CCSER2: variants seen among roughly 807,000 people sequenced by gnomAD.
CCSER2 encodes serine-rich coiled-coil domain-containing protein 2.
Under a neutral mutation model 92.3 loss-of-function variants are expected in CCSER2, and 46 were observed. The ratio of observed to expected loss-of-function variants is 0.50; its 90% confidence interval spans 0.39 to 0.64. The LOEUF (loss-of-function observed/expected upper bound fraction) is 0.64. Among genes scored for constraint, CCSER2 ranks in the 30% least tolerant of loss-of-function variants. The pLI, the probability that CCSER2 is intolerant of heterozygous loss-of-function variation, is 0.00. For missense variants in CCSER2, 1,244 were observed against 1,238.9 expected (o/e 1.00, Z -0.06); for synonymous variants, 433 against 431.4 (o/e 1.00, Z -0.04).
At chr10:84,372,790 A>G (rs562914338) in intron 2 of CCSER2, among the ~76,000 whole-genome samples, 7 of 152,284 alleles carry the variant, frequency 4.6e-5, no homozygotes, top group East Asian at 3.9e-4. Context: ...GTGGTATGCC[A>G]TTAAACAAAC....
chr10:84,365,034 G>A (rs943108592), intron 1 of CCSER2, among the ~76,000 whole-genome samples: 2 of 151,702 alleles, frequency 1.3e-5, no homozygotes, highest in African/African-American at 4.8e-5. Context: ...GAGTCACCAC[G>A]CCCGGCCTGA....
Position 84,417,847 on chromosome 10 carries a change from C to A in CCSER2, c.1691C>A (p.Ala564Glu). 1 of 1,560,726 alleles carries A rather than the reference C, an allele frequency of 6.4e-7. No individual in the cohort carries two copies. Among genetic ancestry groups the A allele is most frequent in the Non-Finnish European group, 8.8e-7 (1 of 1,131,558 alleles). The change falls in exon 4 of 10, where the codon GCA (alanine) becomes GAA (glutamate). Residue 564 changes from alanine to glutamate, a missense_variant. Transcript: ENST00000372088. ...CTTGATGTGGATCTGCCTGAGGATG[C>A]ACCTCTTGAAAATGGTAAGTTGAGA... is the stretch of plus-strand genomic sequence containing the variant. ...LMLDVDLPEDAPLENVECDNM... is the reference protein window; with the variant it reads ...LMLDVDLPEDEPLENVECDNM...
intron 3 of CCSER2, chr10:84,390,797 A>G (rs1286963756): frequency 4.1e-6 from 2 of 485,708 alleles, no homozygotes; most frequent in Non-Finnish European, 7.6e-6. Context: ...CTATTAATAC[A>G]TGGATTATTT....
chr10:84,435,977 G>T (rs1844093320), intron 5 of CCSER2, among the ~76,000 whole-genome samples: 1 of 152,082 alleles, frequency 6.6e-6, no homozygotes, highest in African/African-American at 2.4e-5. Context: ...AGAGGTTGTG[G>T]GTTTGGAGAT....
At chr10:84,420,856 C>A (rs1220707331) in intron 4 of CCSER2, among the ~76,000 whole-genome samples, 1 of 150,154 alleles carries the variant, frequency 6.7e-6, no homozygotes, top group African/African-American at 2.4e-5. Context: ...TCGCTTAAAC[C>A]CGGGAGGCAG....
chr10:84,413,720 T>C (rs1173510164), intron 3 of CCSER2, among the ~76,000 whole-genome samples: 1 of 152,166 alleles, frequency 6.6e-6, no homozygotes, highest in Non-Finnish European at 1.5e-5. Context: ...GTCCTGATGA[T>C]CTTTCTAATA....
At chr10:84,378,869 A>G (rs909113866) in intron 3 of CCSER2, among the ~76,000 whole-genome samples, 4 of 152,168 alleles carry the variant, frequency 2.6e-5, no homozygotes, top group African/African-American at 9.7e-5. Flanking sequence ...CACTATACCC[A>G]GCTCTGCTAA....
chr10:84,362,616 C>A (rs776946102), intron 1 of CCSER2, among the ~76,000 whole-genome samples: 4 of 152,106 alleles, frequency 2.6e-5, no homozygotes, highest in Admixed American at 1.3e-4. Flanking sequence ...TTAACTTTTA[C>A]AAGTTACTTT....
intron 3 of CCSER2, chr10:84,391,029 A>G: frequency 2.6e-6 from 2 of 776,094 alleles, no homozygotes; most frequent in Non-Finnish European, 4.8e-6. Context: ...CCTTAGGAAC[A>G]TTAGCAGATT....
intron 1 of CCSER2, among the ~76,000 whole-genome samples, chr10:84,352,491 A>G (rs1195431010): frequency 6.6e-6 from 1 of 150,592 alleles, no homozygotes; most frequent in African/African-American, 2.4e-5. Flanking sequence ...GAGTAGGAAG[A>G]ATGACGGGGG....
At chr10:84,407,324 C>T (rs1842428328) in intron 3 of CCSER2, among the ~76,000 whole-genome samples, 1 of 152,058 alleles carries the variant, frequency 6.6e-6, no homozygotes, top group Admixed American at 6.6e-5. Context: ...TTGAGGTTGA[C>T]TTTCCTTTTT....
chr10:84,401,732 GA>G (rs1211317502), intron 3 of CCSER2, among the ~76,000 whole-genome samples: 74 of 152,298 alleles, frequency 4.9e-4, no homozygotes, highest in African/African-American at 1.7e-3. Flanking sequence ...TAAATTATAT[GA>G]AAAGGAAACT....
intron 1 of CCSER2, among the ~76,000 whole-genome samples, chr10:84,352,132 C>T (rs1043755538): frequency 1.3e-5 from 2 of 151,826 alleles, no homozygotes; most frequent in African/African-American, 4.8e-5. Context: ...AACCCTGTCT[C>T]TACTAAAAAT....
At chr10:84,384,246 G>A (rs1345931082) in intron 3 of CCSER2, among the ~76,000 whole-genome samples, 1 of 152,122 alleles carries the variant, frequency 6.6e-6, no homozygotes. Context: ...ACATGGAGGA[G>A]GCGGAGGAAT....
chr10:84,438,144 T>C (rs1470761979), intron 5 of CCSER2, among the ~76,000 whole-genome samples: 1 of 152,144 alleles, frequency 6.6e-6, no homozygotes, highest in Non-Finnish European at 1.5e-5. Context: ...AGGTGTGCAA[T>C]TTAAGAAGTT....
chr10:84,441,282 T>C (rs1186820752), intron 6 of CCSER2, among the ~76,000 whole-genome samples: 2 of 152,230 alleles, frequency 1.3e-5, no homozygotes, highest in Non-Finnish European at 2.9e-5. Flanking sequence ...ATATTCCAGC[T>C]GTCTGTTTTT....
At chr10:84,419,995 T>C (rs1843060091) in intron 4 of CCSER2, among the ~76,000 whole-genome samples, 1 of 152,226 alleles carries the variant, frequency 6.6e-6, no homozygotes, top group Non-Finnish European at 1.5e-5. Context: ...CTGGGAAATT[T>C]AATGGTAATT....
chr10:84,385,813 T>C (rs1295316712), intron 3 of CCSER2, among the ~76,000 whole-genome samples: 1 of 152,020 alleles, frequency 6.6e-6, no homozygotes, highest in Non-Finnish European at 1.5e-5. Context: ...ACCTACAGAA[T>C]GTGAGAAAAT....
chr10:84,431,210 G>A (rs963941835), intron 5 of CCSER2, among the ~76,000 whole-genome samples: 27 of 152,218 alleles, frequency 1.8e-4, no homozygotes, highest in African/African-American at 6.5e-4. Flanking sequence ...TACCATTACA[G>A]TATCATACAG....
Sources: allele counts gnomAD v4.1 joint callset (sites outside exome capture counted in the v4.1 genomes callset), GRCh38; gene constraint gnomAD v4.1.1; transcripts MANE v1.5; gene names NCBI Gene and HGNC (gene_info 2026-07-23, HGNC 2026-07-21).